DNAH8: variants seen among roughly 807,000 people sequenced by gnomAD.
The protein encoded by DNAH8 is dynein axonemal heavy chain 8, also known as axonemal beta dynein heavy chain 8.
A neutral mutation model predicts 562.1 loss-of-function variants in DNAH8; 382 were observed. The observed-to-expected ratio is 0.68, with a 90% CI of 0.63 to 0.74. The LOEUF (loss-of-function observed/expected upper bound fraction) is 0.74. DNAH8 is among the 30% of genes least tolerant of loss of function. The pLI is 0.00. For missense variants in DNAH8, 5,203 were observed against 5,620.4 expected (o/e 0.93, Z 2.37); for synonymous variants, 1,881 against 1,919.4 (o/e 0.98, Z 0.52).
At chr6:38,920,770 A>G (rs1781641594) in intron 70 of DNAH8, among the ~76,000 whole-genome samples, 1 of 152,208 alleles carries the variant, frequency 6.6e-6, no homozygotes, top group African/African-American at 2.4e-5. Context: ...AAAAATCAAA[A>G]TGCCAATTAC....
At chr6:38,922,431 C>T (rs1163754228) in intron 71 of DNAH8, among the ~76,000 whole-genome samples, 3 of 152,058 alleles carry the variant, frequency 2.0e-5, no homozygotes, top group Non-Finnish European at 4.4e-5. Flanking sequence ...TTCCACCATC[C>T]AGATACAACG....
chr6:38,921,294 A>G, intron 70 of DNAH8, 75 bp from the exon 71 acceptor site: 1 of 1,528,454 alleles, frequency 6.5e-7, no homozygotes, highest in Non-Finnish European at 8.8e-7. Context: ...AAATTATGTG[A>G]TTTGTGTTAT....
At chr6:38,883,097 G>A (rs1470035971) in intron 54 of DNAH8, 45 bp downstream of exon 54, 2 of 1,496,216 alleles carry the variant, frequency 1.3e-6, no homozygotes, top group South Asian at 1.5e-5. Flanking sequence ...AACCATCCAT[G>A]GCCACGGGAA....
chr6:39,013,872 A>AAGAG (rs760096683), intron 91 of DNAH8, among the ~76,000 whole-genome samples: 3 of 106,978 alleles, frequency 2.8e-5, no homozygotes, highest in Non-Finnish European at 6.2e-5. Flanking sequence ...GAGAGAGAGA[A>AAGAG]AGAGAGAGAG....
chr6:39,021,124 G>A (rs926795061), intron 91 of DNAH8, among the ~76,000 whole-genome samples: 10 of 152,186 alleles, frequency 6.6e-5, no homozygotes, highest in African/African-American at 2.2e-4. Flanking sequence ...CGGAGAAATA[G>A]GAATGCTGTC....
At chr6:39,007,378 G>A (rs1765862171) in intron 88 of DNAH8, among the ~76,000 whole-genome samples, 1 of 152,192 alleles carries the variant, frequency 6.6e-6, no homozygotes, top group Non-Finnish European at 1.5e-5. Context: ...AGCATTTGCT[G>A]AATCCCTTTT....
At chr6:38,873,756 ACACACACACACACC>A (rs71543950) in intron 52 of DNAH8, among the ~76,000 whole-genome samples, 19,737 of 88,548 alleles carry the variant, frequency 0.22, 1,384 homozygotes, top group East Asian at 0.51. Context: ...ACACACACAC[ACACACACACACACC>A]CCTGCACTCC....
chr6:38,960,136 A>G (rs754308535), intron 82 of DNAH8, among the ~76,000 whole-genome samples: 9 of 152,094 alleles, frequency 5.9e-5, no homozygotes, highest in Non-Finnish European at 1.2e-4. Context: ...AAAGACTGAA[A>G]TGTAAGACCT....
At chr6:39,025,879 G>T (rs1767241112) in intron 91 of DNAH8, among the ~76,000 whole-genome samples, 1 of 152,082 alleles carries the variant, frequency 6.6e-6, no homozygotes, top group Non-Finnish European at 1.5e-5. Context: ...AACATTGATT[G>T]TTACTCTCCA....
At chr6:38,814,378 T>C (rs1772063375) in intron 25 of DNAH8, among the ~76,000 whole-genome samples, 1 of 152,172 alleles carries the variant, frequency 6.6e-6, no homozygotes, top group Non-Finnish European at 1.5e-5. Flanking sequence ...GTCAGGAGTT[T>C]GAGACCATCC....
At chr6:38,910,678 T>C (rs1254095181) in intron 65 of DNAH8, among the ~76,000 whole-genome samples, 5 of 152,194 alleles carry the variant, frequency 3.3e-5, no homozygotes, top group African/African-American at 1.2e-4. Context: ...GGTATATTTT[T>C]CAAAATTTTT....
intron 80 of DNAH8, among the ~76,000 whole-genome samples, chr6:38,947,258 A>T (rs1462374021): frequency 4.6e-5 from 7 of 152,194 alleles, no homozygotes; most frequent in African/African-American, 1.7e-4. Flanking sequence ...AGGTTGCAAA[A>T]GTTCAGCGGA....
rs774762518 is a variant in DNAH8, at chr6:38,852,800, T to C, written c.5571+2T>C. ...TCAAGAGAAGGAGAAAAAATTGTTG[T>C]AATTTACCTTGCTTTAAATTTTTTT... On this transcript the variant is annotated splice_donor_variant, in intron 40 of 92. Coordinates refer to ENST00000327475, the MANE Select transcript of DNAH8 (RefSeq NM_001206927.2). LOFTEE classifies it high-confidence loss of function. The C allele has an allele frequency of 9.4e-6, 15 of 1,603,190 alleles. No individual in the cohort carries two copies. The highest frequency in any genetic ancestry group is 2.2e-5 in the East Asian group (1 of 44,792).
intron 73 of DNAH8, 91 bp from the exon 74 acceptor site, chr6:38,925,964 T>A: frequency 8.2e-7 from 1 of 1,213,634 alleles, no homozygotes; most frequent in Non-Finnish European, 1.1e-6. Context: ...ATGTCCACAT[T>A]TTAAATTATT....
In DNAH8 at chr6:38,786,860, T is replaced by C; in HGVS notation, c.2491T>C (p.Cys831Arg). 6.2e-7 allele frequency: 1 copy of C among 1,613,284 alleles called. No homozygotes were observed. The highest frequency in any genetic ancestry group is 8.5e-7 in the Non-Finnish European group (1 of 1,179,610). ...KILEVVRETK[C>R]MIKMKLDVPE... ...TTTGGAAGTTGTTCGGGAAACTAAG[T>C]GTATGATAAAAATGAAGTTGGATGT... The change falls in exon 18 of 93, where the codon TGT becomes CGT. Residue 831 changes from cysteine (C) to arginine (R), a missense_variant. Coordinates refer to ENST00000327475, the MANE Select transcript of DNAH8 (RefSeq NM_001206927.2).
rs769631791 is a variant in DNAH8 at position 38,911,498 on chromosome 6, A to G, written c.9771A>G (p.Lys3257=). 1 of 1,613,872 alleles carries G rather than the reference A, an allele frequency of 6.2e-7. No homozygotes were observed. The highest frequency in any genetic ancestry group is 8.5e-7 in the Non-Finnish European group (1 of 1,179,764). The change falls in exon 66 of 93, where the codon AAA becomes AAG. Residue 3257 remains lysine, a synonymous_variant. Transcript: ENST00000327475. ...GCCGAAGAGCACATGTGACTCCCAA[A>G]TCTTACCTCTCATTTATAAATGGTT... The part of the protein sequence containing the change: ...RYRRRAHVTP[K]SYLSFINGYK...
intron 3 of DNAH8, among the ~76,000 whole-genome samples, chr6:38,725,915 T>C (rs187327910): frequency 3.9e-5 from 6 of 152,336 alleles, no homozygotes; most frequent in Admixed American, 3.9e-4. Flanking sequence ...TTGGGTTTGT[T>C]TGTTTAATGG....
At chr6:38,850,499 G>A (rs1471345451) in intron 38 of DNAH8, 85 bp downstream of exon 38, 13 of 1,278,494 alleles carry the variant, frequency 1.0e-5, no homozygotes, top group Non-Finnish European at 1.4e-5. Flanking sequence ...TACATTTCTG[G>A]TTTGGTAGTG....
intron 53 of DNAH8, among the ~76,000 whole-genome samples, chr6:38,882,094 C>T (rs928700561): frequency 6.6e-6 from 1 of 152,134 alleles, no homozygotes; most frequent in East Asian, 1.9e-4. Context: ...AAAGGAAATG[C>T]TTCTACACTG....
Sources: gnomAD v4.1 joint callset for allele counts (sites outside exome capture counted in the v4.1 genomes callset) on GRCh38, gnomAD v4.1.1 for gene constraint, MANE v1.5 for transcripts, NCBI Gene and HGNC (gene_info 2026-07-23, HGNC 2026-07-21) for gene names.